The following CADM2 variants were observed in gnomAD, a reference collection of about 807,000 sequenced individuals.
CADM2 encodes immunoglobulin superfamily member 4D.
A neutral mutation model predicts 49.8 loss-of-function variants in CADM2; 12 were observed. That is an observed-to-expected ratio of 0.24 (90% confidence interval 0.15 to 0.39). The LOEUF (loss-of-function observed/expected upper bound fraction) is 0.39. Ranked by LOEUF, CADM2 falls within the 10% of genes least tolerant of loss-of-function variation. The pLI is 1.00. For missense variants in CADM2, 378 were observed against 492.3 expected (o/e 0.77, Z 2.20); for synonymous variants, 214 against 175.4 (o/e 1.22, Z -1.74).
intron 1 of CADM2, among the ~76,000 whole-genome samples, chr3:85,296,521 A>G (rs1165697477): frequency 6.6e-6 from 1 of 152,014 alleles, no homozygotes; most frequent in Non-Finnish European, 1.5e-5. Flanking sequence ...TGATTAGGCC[A>G]GATATCAAAG....
At chr3:85,144,780 A>G (rs2039687326) in intron 1 of CADM2, among the ~76,000 whole-genome samples, 1 of 152,162 alleles carries the variant, frequency 6.6e-6, no homozygotes, top group Non-Finnish European at 1.5e-5. Context: ...ATTTTAAGTG[A>G]TTTGAAAGAT....
chr3:85,522,431 A>G (rs2061045182), intron 1 of CADM2, among the ~76,000 whole-genome samples: 1 of 152,128 alleles, frequency 6.6e-6, no homozygotes, highest in Non-Finnish European at 1.5e-5. Context: ...ATAAATGACA[A>G]TTTCTGCCAT....
At chr3:85,368,158 C>T (rs1241172383) in intron 1 of CADM2, among the ~76,000 whole-genome samples, 2 of 151,978 alleles carry the variant, frequency 1.3e-5, no homozygotes, top group African/African-American at 4.8e-5. Context: ...TTGACCAGAG[C>T]CCTTGAATAC....
At chr3:85,032,077 G>A (rs1034272338) in intron 1 of CADM2, among the ~76,000 whole-genome samples, 3 of 152,006 alleles carry the variant, frequency 2.0e-5, no homozygotes, top group Non-Finnish European at 4.4e-5. Context: ...TATCAGTACT[G>A]AGTTCCCTAA....
At chr3:85,111,415 C>A (rs990886973) in intron 1 of CADM2, among the ~76,000 whole-genome samples, 1 of 151,736 alleles carries the variant, frequency 6.6e-6, no homozygotes, top group African/African-American at 2.4e-5. Flanking sequence ...ATGAGGCTGC[C>A]TATTATCTAT....
intron 1 of CADM2, among the ~76,000 whole-genome samples, chr3:85,055,514 C>A (rs1034504458): frequency 3.3e-5 from 5 of 151,972 alleles, no homozygotes; most frequent in Admixed American, 2.0e-4. Flanking sequence ...AAGTGCTTTC[C>A]TTTTCAATTC....
chr3:86,032,616 A>G (rs953408875), intron 8 of CADM2, among the ~76,000 whole-genome samples: 5 of 151,898 alleles, frequency 3.3e-5, no homozygotes, highest in African/African-American at 9.7e-5. Context: ...ACTTGTAACC[A>G]TACTTAATGC....
chr3:85,942,998 T>G (rs541481740), intron 7 of CADM2, among the ~76,000 whole-genome samples: 17 of 152,248 alleles, frequency 1.1e-4, no homozygotes, highest in African/African-American at 4.1e-4. Context: ...CAGCACCTGT[T>G]GTTTCCTGAC....
chr3:85,554,003 C>A (rs547977226), intron 1 of CADM2, among the ~76,000 whole-genome samples: 2 of 152,166 alleles, frequency 1.3e-5, no homozygotes, highest in East Asian at 3.9e-4. Flanking sequence ...CAAATTGATC[C>A]ATTGATTATA....
At chr3:86,002,775 G>C (rs1730340712) in intron 8 of CADM2, among the ~76,000 whole-genome samples, 1 of 151,938 alleles carries the variant, frequency 6.6e-6, no homozygotes. Context: ...GTGTTTCAGT[G>C]GTTTTTAATT....
chr3:85,880,180 A>G (rs1365548192), intron 3 of CADM2, among the ~76,000 whole-genome samples: 1 of 152,152 alleles, frequency 6.6e-6, no homozygotes, highest in African/African-American at 2.4e-5. Flanking sequence ...TAACAGATAT[A>G]ATTGACACAG....
chr3:85,885,580 G>A (rs890576212), intron 4 of CADM2, among the ~76,000 whole-genome samples: 4 of 151,406 alleles, frequency 2.6e-5, no homozygotes, highest in African/African-American at 9.7e-5. Flanking sequence ...TACTCAGGAG[G>A]CTGAGGCAGG....
intron 1 of CADM2, among the ~76,000 whole-genome samples, chr3:85,406,112 G>A (rs1455008538): frequency 2.0e-5 from 3 of 151,702 alleles, no homozygotes; most frequent in Non-Finnish European, 2.9e-5. Flanking sequence ...TGGTTTTAGA[G>A]ACCAACCAAT....
rs550312107 is a variant in CADM2 at position 85,300,600 on chromosome 3, G to A, written c.61+340932G>A. Among the ~76,000 whole-genome samples, 54 of 152,214 alleles carry A rather than the reference G, an allele frequency of 3.5e-4. 1 individual carries two copies. The highest frequency in any genetic ancestry group is 6.8e-3 in the Middle Eastern group (2 of 294). The stretch of plus-strand genomic sequence containing the variant: ...TCTGAACTAATCAGTGTCGGGGAAT[G>A]ATCCAAGATCAAGAAACTAGAGGTC... On this transcript the variant is annotated intron_variant, in intron 1 of 9. Coordinates refer to ENST00000383699, the MANE Select transcript of CADM2 (RefSeq NM_001167675.2).
intron 8 of CADM2, among the ~76,000 whole-genome samples, chr3:86,044,569 T>C (rs1736400710): frequency 6.6e-6 from 1 of 152,142 alleles, no homozygotes. Context: ...CAACAGGTGC[T>C]AGAGAGGATG....
chr3:85,296,390 C>T (rs1485474356), intron 1 of CADM2, among the ~76,000 whole-genome samples: 5 of 151,910 alleles, frequency 3.3e-5, no homozygotes, highest in Admixed American at 2.6e-4. Context: ...TTACCAATAT[C>T]TAGTTGTGTT....
In CADM2 at chr3:85,335,727, A is replaced by G. The variant is rs74962850; in HGVS notation, c.61+376059A>G. Among the ~76,000 whole-genome samples, 406 of 151,568 alleles carry G rather than the reference A, an allele frequency of 2.7e-3. 6 individuals carry two copies. The highest frequency in any genetic ancestry group is 8.7e-3 in the African/African-American group (362 of 41,498). The stretch of plus-strand genomic sequence containing the variant: ...AGCTTCTTCTGTGAGATGATTGTCT[A>G]TTCATATGTCTGCCATAATCTATAA... On this transcript the variant is annotated intron_variant, in intron 1 of 9. Transcript: ENST00000383699.
chr3:85,833,270 C>G (rs184785113), intron 3 of CADM2, among the ~76,000 whole-genome samples: 2 of 148,160 alleles, frequency 1.3e-5, no homozygotes, highest in Admixed American at 6.7e-5. Context: ...TATTAGCCTG[C>G]AGTTTTCTTT....
intron 1 of CADM2, among the ~76,000 whole-genome samples, chr3:85,202,690 T>C (rs369328489): frequency 1.3e-5 from 2 of 152,186 alleles, no homozygotes; most frequent in East Asian, 1.9e-4. Flanking sequence ...CATTAGTTCC[T>C]AAGAAGCAAG....
Sources: allele counts gnomAD v4.1 joint callset (sites outside exome capture counted in the v4.1 genomes callset), GRCh38; gene constraint gnomAD v4.1.1; transcripts MANE v1.5; gene names NCBI Gene and HGNC (gene_info 2026-07-23, HGNC 2026-07-21).